CNTN1: variants seen among roughly 807,000 people sequenced by gnomAD.
The protein encoded by CNTN1 is contactin-1.
CNTN1 carries 38 observed loss-of-function variants against 126.4 expected under a neutral mutation model. The observed-to-expected ratio is 0.30, with a 90% CI of 0.23 to 0.39. The LOEUF (loss-of-function observed/expected upper bound fraction) is 0.39. Among genes scored for constraint, CNTN1 ranks in the 10% least tolerant of loss-of-function variants. The pLI, the probability that CNTN1 is intolerant of heterozygous loss-of-function variation, is 1.00. For synonymous variants in CNTN1, 413 were observed against 422.6 expected (o/e 0.98, Z 0.28); for missense variants, 1,009 against 1,248.4 (o/e 0.81, Z 2.89).
chr12:40,974,574 C>T (rs768305682), intron 15 of CNTN1, among the ~76,000 whole-genome samples: 7 of 152,044 alleles, frequency 4.6e-5, no homozygotes, highest in Non-Finnish European at 8.8e-5. Flanking sequence ...GCAACGGAAA[C>T]CTAATAACAT....
At chr12:40,925,198 A>C (rs1223405074) in intron 6 of CNTN1, among the ~76,000 whole-genome samples, 1 of 151,756 alleles carries the variant, frequency 6.6e-6, no homozygotes. Flanking sequence ...GTTTTCTGTA[A>C]TTTTATATGG....
At chr12:40,951,668 CA>C (rs1946686130) in intron 14 of CNTN1, among the ~76,000 whole-genome samples, 7 of 132,060 alleles carry the variant, frequency 5.3e-5, no homozygotes, top group South Asian at 5.0e-4. Flanking sequence ...CAGACTGTGC[CA>C]CTGCACTCCA....
chr12:40,892,983 T>C (rs753030018), intron 1 of CNTN1, among the ~76,000 whole-genome samples: 2 of 149,222 alleles, frequency 1.3e-5, no homozygotes, highest in Non-Finnish European at 3.0e-5. Flanking sequence ...AAATACATGA[T>C]TGAGTTGAAA....
At chr12:40,942,548 G>C (rs1324623190) in intron 12 of CNTN1, among the ~76,000 whole-genome samples, 1 of 152,102 alleles carries the variant, frequency 6.6e-6, no homozygotes, top group Non-Finnish European at 1.5e-5. Context: ...CATTGGCTAA[G>C]AACAGCCTGT....
intron 1 of CNTN1, among the ~76,000 whole-genome samples, chr12:40,711,499 C>T (rs1373426): frequency 0.61 from 92,679 of 151,836 alleles, 29,087 homozygotes; most frequent in East Asian, 0.84. Flanking sequence ...CTTACCCTCT[C>T]TATTGACTTC....
chr12:40,944,070 C>G lies in CNTN1; in HGVS notation c.1583C>G (p.Ala528Gly), dbSNP rs779551448. Residue 528 changes from alanine (A) to glycine (G), a missense_variant, in exon 14 of 24, where the codon GCG becomes GGG. Physicochemically the swap from Ala to Gly is moderately conservative, Grantham distance 60. Coordinates refer to ENST00000551295, the MANE Select transcript of CNTN1 (RefSeq NM_001843.4). Reference protein sequence around the residue: ...VGENATMQCAASFDPALDLTF... With the variant: ...VGENATMQCAGSFDPALDLTF... ...GAAAACGCCACCATGCAGTGTGCTG[C>G]GTCCTTTGATCCTGCCTTGGATCTC... 2 of 1,613,374 alleles carry G rather than the reference C, an allele frequency of 1.2e-6. No individual in the cohort carries two copies. The highest frequency in any genetic ancestry group is 2.7e-5 in the African/African-American group (2 of 74,882).
At chr12:40,907,921 A>G (rs972621111) in intron 1 of CNTN1, among the ~76,000 whole-genome samples, 1 of 152,258 alleles carries the variant, frequency 6.6e-6, no homozygotes, top group African/African-American at 2.4e-5. Context: ...ATACAAATGT[A>G]ACTTCAATTG....
chr12:40,859,767 A>G lies in CNTN1; in HGVS notation c.-76-48590A>G, dbSNP rs574245092. On this transcript the variant is annotated intron_variant, in intron 1 of 23. Coordinates refer to ENST00000551295, the MANE Select transcript of CNTN1 (RefSeq NM_001843.4). ...TACAGAATTATAGTGATATTTGATT[A>G]TCTATATCCTGTCACTTTATTATAA... is the stretch of plus-strand genomic sequence containing the variant. Among the ~76,000 whole-genome samples, 3 of 152,210 alleles carry G rather than the reference A, an allele frequency of 2.0e-5. No homozygotes were observed. In the East Asian group the frequency reaches 5.8e-4, roughly 29 times the overall value.
At chr12:41,005,625 C>A (rs1235855023) in intron 17 of CNTN1, among the ~76,000 whole-genome samples, 1 of 151,874 alleles carries the variant, frequency 6.6e-6, no homozygotes, top group African/African-American at 2.4e-5. Context: ...TCTTTTTATT[C>A]TTTTTTCTCT....
chr12:41,066,425 C>T (rs1422271387), intron 23 of CNTN1, among the ~76,000 whole-genome samples: 1 of 151,962 alleles, frequency 6.6e-6, no homozygotes, highest in African/African-American at 2.4e-5. Flanking sequence ...AATTCAGGGC[C>T]TACAATGGAG....
intron 1 of CNTN1, among the ~76,000 whole-genome samples, chr12:40,877,767 G>A (rs1201679932): frequency 1.3e-5 from 2 of 151,808 alleles, no homozygotes; most frequent in Admixed American, 1.3e-4. Flanking sequence ...TCATATGCCT[G>A]TTTTTCTGAT....
intron 15 of CNTN1, chr12:40,972,005 T>A (rs1161921935): frequency 2.0e-6 from 2 of 994,414 alleles, no homozygotes; most frequent in African/African-American, 1.7e-5. Flanking sequence ...TTCTTAATCC[T>A]AGTACCATAC....
intron 3 of CNTN1, among the ~76,000 whole-genome samples, chr12:40,911,331 T>C (rs994609004): frequency 1.3e-4 from 20 of 152,160 alleles, no homozygotes; most frequent in East Asian, 9.7e-4. Flanking sequence ...CCGCCCGCCT[T>C]AGCCTCCCAA....
chr12:40,763,131 A>G (rs1296853995), intron 1 of CNTN1: 1 of 152,304 alleles, frequency 6.6e-6, no homozygotes, highest in Non-Finnish European at 1.5e-5. Flanking sequence ...TGCCATGATT[A>G]AAGGTCTCCT....
At chr12:41,028,993 G>T (rs1201867896) in intron 22 of CNTN1, 70 bp from the exon 23 acceptor site, 3 of 1,418,596 alleles carry the variant, frequency 2.1e-6, no homozygotes, top group Non-Finnish European at 3.0e-6. Context: ...TTTTTATTCT[G>T]GTTTTAGTGT....
intron 15 of CNTN1, among the ~76,000 whole-genome samples, chr12:40,961,509 A>C (rs1947105786): frequency 6.6e-6 from 1 of 152,008 alleles, no homozygotes. Flanking sequence ...TTATTCATTT[A>C]ATTATACTTT....
chr12:41,058,830 C>T (rs1480856785), intron 23 of CNTN1, among the ~76,000 whole-genome samples: 1 of 152,090 alleles, frequency 6.6e-6, no homozygotes, highest in African/African-American at 2.4e-5. Flanking sequence ...TAGTCAATGT[C>T]CAATTCTAGC....
At chr12:40,943,523 G>A in intron 12 of CNTN1, 74 bp from the exon 13 acceptor site, 1 of 1,151,576 alleles carries the variant, frequency 8.7e-7, no homozygotes, top group Admixed American at 1.8e-5. Context: ...AAATATTAGT[G>A]TTTGTAATCT....
At chr12:40,900,932 C>G (rs1324972831) in intron 1 of CNTN1, among the ~76,000 whole-genome samples, 2 of 152,058 alleles carry the variant, frequency 1.3e-5, no homozygotes, top group Non-Finnish European at 2.9e-5. Context: ...GCTCTGTTGT[C>G]GATGATTTAC....
Sources: gnomAD v4.1 joint callset for allele counts (sites outside exome capture counted in the v4.1 genomes callset) on GRCh38, gnomAD v4.1.1 for gene constraint, MANE v1.5 for transcripts, NCBI Gene and HGNC (gene_info 2026-07-23, HGNC 2026-07-21) for gene names.